ALG8: variants seen among roughly 807,000 people sequenced by gnomAD.
The protein encoded by ALG8 is dolichyl pyrophosphate Glc1Man9GlcNAc2 alpha-1,3-glucosyltransferase.
A neutral mutation model predicts 70.2 loss-of-function variants in ALG8; 48 were observed. That is an observed-to-expected ratio of 0.68 (90% CI 0.54 to 0.87). The LOEUF is 0.87. Ranked by LOEUF, ALG8 falls within the 40% of genes least tolerant of loss-of-function variation. ALG8 has a pLI of 0.00. For synonymous variants in ALG8, 234 were observed against 229.0 expected (o/e 1.02, Z -0.20); for missense variants, 572 against 608.7 (o/e 0.94, Z 0.64).
At chr11:78,132,533 C>A (rs1370248381) in intron 1 of ALG8, among the ~76,000 whole-genome samples, 2 of 152,182 alleles carry the variant, frequency 1.3e-5, no homozygotes, top group Non-Finnish European at 1.5e-5. Flanking sequence ...TGGTGCCTAT[C>A]TTTCCAATTT....
Position 78,120,737 on chromosome 11 carries a change from A to G in ALG8, c.478+328T>C, listed in dbSNP as rs116389780. Among the ~76,000 whole-genome samples, 257 of 152,364 alleles carry G rather than the reference A, an allele frequency of 1.7e-3. 1 individual carries two copies. The highest frequency in any genetic ancestry group is 5.8e-3 in the African/African-American group (243 of 41,584). On this transcript the variant is annotated intron_variant, in intron 4 of 12. Coordinates refer to ENST00000299626, the MANE Select transcript of ALG8 (RefSeq NM_024079.5). ...CGCACACTGTGATATGCCTTTTCCA[A>G]TTAAAGGTATTTGGAATAATGTGTT...
rs1358386739 is a variant in ALG8 at position 78,104,427 on chromosome 11, T to C, written c.1205A>G (p.Asp402Gly). The C allele has an allele frequency of 6.3e-7, 1 of 1,593,844 alleles. No homozygotes were observed. The highest frequency in any genetic ancestry group is 8.5e-7 in the Non-Finnish European group (1 of 1,169,730). The change falls in exon 11 of 13, where the codon GAC (aspartate) becomes GGC (glycine). Residue 402 changes from aspartate to glycine, a missense_variant. Coordinates refer to ENST00000299626, the MANE Select transcript of ALG8 (RefSeq NM_024079.5). ...GGTCAGAATCAGAAAAATCGAAGCG[T>C]CTCCTGCTTTTCCCACAGACAAAAG... is the stretch of plus-strand genomic sequence containing the variant. ...MSLLSVGKAG[D>G]ASIFLILTTT...
chr11:78,116,131 G>A (rs1236641285), intron 5 of ALG8, among the ~76,000 whole-genome samples: 3 of 151,998 alleles, frequency 2.0e-5, no homozygotes, highest in Admixed American at 1.3e-4. Flanking sequence ...AGACCGAGGC[G>A]GGTGGATCAC....
chr11:78,139,028 A>G (rs551416813), intron 1 of ALG8: 1 of 347,194 alleles, frequency 2.9e-6, no homozygotes, highest in South Asian at 2.3e-5. Context: ...TTCTAAAGGA[A>G]TAGCGCACAG....
At chr11:78,135,595 C>T (rs1398772318) in intron 1 of ALG8, among the ~76,000 whole-genome samples, 1 of 152,096 alleles carries the variant, frequency 6.6e-6, no homozygotes, top group African/African-American at 2.4e-5. Flanking sequence ...CGCCTGTAAT[C>T]CCAACACTTT....
chr11:78,114,470 T>A (rs1860465339), intron 5 of ALG8, 78 bp from the exon 6 acceptor site: 2 of 1,541,022 alleles, frequency 1.3e-6, no homozygotes, highest in African/African-American at 2.7e-5. Flanking sequence ...CTAGATTGAA[T>A]CCTGGAACAG....
At chr11:78,108,823 T>C (rs967731940) in intron 9 of ALG8, among the ~76,000 whole-genome samples, 1 of 152,228 alleles carries the variant, frequency 6.6e-6, no homozygotes, top group Admixed American at 6.5e-5. Context: ...AAATTAAAGA[T>C]GAGTGTAATT....
At chr11:78,104,164 T>G (rs979580328) in intron 11 of ALG8, 112 bp from the exon 12 acceptor site, 40 of 919,736 alleles carry the variant, frequency 4.3e-5, no homozygotes, top group Non-Finnish European at 6.5e-5. Flanking sequence ...TAATACTTTT[T>G]AAGTTTAATT....
Position 78,109,502 on chromosome 11 carries a change from G to A in ALG8, c.978C>T (p.His326=). 1.9e-6 allele frequency: 3 copies of A among 1,614,190 alleles called. No homozygotes were observed. Among genetic ancestry groups the A allele is most frequent in the Non-Finnish European group, 2.5e-6 (3 of 1,179,998 alleles). Residue 326 remains histidine (H), a synonymous_variant, in exon 9 of 13, where the codon CAC becomes CAT. Transcript: ENST00000299626. ...MTSGLVQQFQ[H]TVLPSVTPLA... is the part of the protein sequence containing the mutation. ...AGGGAGTCACTGAGGGAAGGACTGT[G>A]TGTTGGAACTGCTGAACCAAACCAC... is the stretch of plus-strand genomic sequence containing the variant.
At chr11:78,124,854 T>C (rs574939376) in intron 2 of ALG8, among the ~76,000 whole-genome samples, 244 of 152,310 alleles carry the variant, frequency 1.6e-3, no homozygotes, top group African/African-American at 5.5e-3. Flanking sequence ...TCCTGGAGAA[T>C]AGAAACTATC....
Position 78,121,113 on chromosome 11 carries a change from T to A in ALG8, c.430A>T (p.Ile144Phe), listed in dbSNP as rs143349528. 3.7e-6 allele frequency: 6 copies of A among 1,613,864 alleles called. No homozygotes were observed. The African/African-American group carries it at 6.7e-5, about 18-fold the overall frequency. ...TTCCACAGAAGTAATACCGACAGAA[T>A]AAATTTTGGCTTTTCTGTAAGTTCT... Reference protein sequence around the residue: ...GKELTEKPKFILSVLLLWNFG... With the variant: ...GKELTEKPKFFLSVLLLWNFG... Residue 144 changes from isoleucine (I) to phenylalanine (F), a missense_variant, in exon 4 of 13, where the codon ATT (isoleucine) becomes TTT (phenylalanine). Transcript: ENST00000299626.
intron 5 of ALG8, among the ~76,000 whole-genome samples, chr11:78,118,331 C>A (rs3017591): frequency 0.22 from 33,165 of 151,922 alleles, 4,472 homozygotes; most frequent in African/African-American, 0.38. Flanking sequence ...AATGTAATTT[C>A]GGGGCTGGGC....
At chr11:78,126,075 C>T (rs1310523655) in intron 2 of ALG8, among the ~76,000 whole-genome samples, 2 of 151,790 alleles carry the variant, frequency 1.3e-5, no homozygotes, top group African/African-American at 4.8e-5. Context: ...AGGAGAATGG[C>T]GTGAACCTGG....
chr11:78,112,494 C>G, intron 8 of ALG8, 156 bp downstream of exon 8: 8 of 1,108,296 alleles, frequency 7.2e-6, no homozygotes, highest in Non-Finnish European at 1.1e-5. Flanking sequence ...GCCTCAGTCC[C>G]AAGAACTGCT....
At chr11:78,120,115 G>C (rs1211290741) in intron 4 of ALG8, among the ~76,000 whole-genome samples, 4 of 151,302 alleles carry the variant, frequency 2.6e-5, no homozygotes, top group Non-Finnish European at 5.9e-5. Flanking sequence ...AAAAAAAAAA[G>C]AAAAGGAAAG....
Position 78,112,640 on chromosome 11 carries a change from G to A in ALG8, c.898+10C>T, listed in dbSNP as rs372919051. On this transcript the variant is annotated intron_variant, in intron 8 of 12. Transcript: ENST00000299626. ...TTCAGAGTCTGAGTAAAAAATGCTCGCTACCATACCGATGACAGACAGCAC... is the reference window on the plus strand; with the variant it reads ...TTCAGAGTCTGAGTAAAAAATGCTCACTACCATACCGATGACAGACAGCAC... 8.2e-5 allele frequency: 133 copies of A among 1,613,080 alleles called. No individual in the cohort carries two copies. The African/African-American group carries it at 9.2e-4, about 11-fold the overall frequency.
chr11:78,101,526 G>C (rs1590799949), intron 12 of ALG8, among the ~76,000 whole-genome samples: 6 of 152,308 alleles, frequency 3.9e-5, no homozygotes, highest in Admixed American at 3.9e-4. Context: ...CTACTTGGGA[G>C]GCTGAGGCAG....
chr11:78,104,073 A>C (rs763059331), intron 11 of ALG8, 21 bp from the exon 12 acceptor site: 1 of 1,420,844 alleles, frequency 7.0e-7, no homozygotes, highest in Non-Finnish European at 9.9e-7. Flanking sequence ...AATAGAAAAA[A>C]AAAGATAATT....
chr11:78,103,729 T>G (rs1859900306), intron 12 of ALG8, among the ~76,000 whole-genome samples: 2 of 152,208 alleles, frequency 1.3e-5, no homozygotes, highest in South Asian at 4.1e-4. Flanking sequence ...TTACATTCAG[T>G]TTTTGAGTTT....
Sources: gnomAD v4.1 joint callset for allele counts (sites outside exome capture counted in the v4.1 genomes callset) on GRCh38, gnomAD v4.1.1 for gene constraint, MANE v1.5 for transcripts, NCBI Gene and HGNC (gene_info 2026-07-23, HGNC 2026-07-21) for gene names.